MERTK: variants seen among roughly 807,000 people sequenced by gnomAD.
MERTK encodes tyrosine-protein kinase Mer.
A neutral mutation model predicts 99.3 loss-of-function variants in MERTK; 69 were observed. The observed-to-expected ratio is 0.70, with a 90% CI of 0.57 to 0.85. MERTK has a LOEUF of 0.85. MERTK is among the 40% of genes least tolerant of loss of function. The pLI is 0.00. For synonymous variants in MERTK, 426 were observed against 467.6 expected (o/e 0.91, Z 1.15); for missense variants, 1,125 against 1,249.4 (o/e 0.90, Z 1.50).
intron 7 of MERTK, among the ~76,000 whole-genome samples, chr2:111,977,930 A>G (rs1676287400): frequency 6.6e-6 from 1 of 151,926 alleles, no homozygotes; most frequent in African/African-American, 2.4e-5. Flanking sequence ...TCCAGAATGC[A>G]GTTATAATTA....
chr2:111,968,200 C>A lies in MERTK; in HGVS notation c.908C>A (p.Ser303Tyr). ...AGCACTGCACACAGCATTCTGATCT[C>A]CTGGGTTCCTGGTTTTGATGGATAC... Reference protein sequence around the residue: ...RNSTAHSILISWVPGFDGYSP... With the variant: ...RNSTAHSILIYWVPGFDGYSP... The change falls in exon 6 of 19, where the codon TCC (serine) becomes TAC (tyrosine). Residue 303 changes from serine (S) to tyrosine (Y), a missense_variant. Physicochemically the swap from Ser to Tyr is moderately radical, Grantham distance 144 (BLOSUM62 -2). Coordinates refer to ENST00000295408, the MANE Select transcript of MERTK (RefSeq NM_006343.3). 1 of 1,614,050 alleles carries A rather than the reference C, an allele frequency of 6.2e-7. No individual in the cohort carries two copies.
chr2:111,969,536 G>A (rs973986123), intron 6 of MERTK, among the ~76,000 whole-genome samples: 2 of 152,088 alleles, frequency 1.3e-5, no homozygotes, highest in Admixed American at 6.6e-5. Flanking sequence ...AGAATTTTGT[G>A]TTGACAACTA....
At chr2:112,012,685 C>G (rs905361353) in intron 15 of MERTK, among the ~76,000 whole-genome samples, 1 of 152,146 alleles carries the variant, frequency 6.6e-6, no homozygotes, top group Non-Finnish European at 1.5e-5. Flanking sequence ...TAGAGAGAAG[C>G]GGAACCTCAG....
intron 4 of MERTK, among the ~76,000 whole-genome samples, chr2:111,960,953 G>A (rs927768477): frequency 4.0e-5 from 6 of 151,548 alleles, no homozygotes; most frequent in Non-Finnish European, 5.9e-5. Flanking sequence ...AAGACCCCGA[G>A]GCAGAGTATC....
chr2:111,968,039 C>T (rs563508052), intron 5 of MERTK, 98 bp from the exon 6 acceptor site: 63 of 864,812 alleles, frequency 7.3e-5, no homozygotes, highest in African/African-American at 1.8e-4. Flanking sequence ...TCTCAAGGAA[C>T]GAAAACAGGT....
At chr2:111,929,798 AC>A (rs2104687280) in intron 2 of MERTK, among the ~76,000 whole-genome samples, 1 of 148,076 alleles carries the variant, frequency 6.8e-6, no homozygotes, top group South Asian at 2.1e-4. Context: ...ATGAGGTTTC[AC>A]CATGATGCCC....
intron 15 of MERTK, among the ~76,000 whole-genome samples, chr2:112,017,829 G>A (rs1165547151): frequency 6.6e-6 from 1 of 152,128 alleles, no homozygotes; most frequent in Admixed American, 6.6e-5. Flanking sequence ...GAGGAGGGGT[G>A]ATAAAACAGG....
intron 13 of MERTK, among the ~76,000 whole-genome samples, chr2:112,004,956 A>G (rs1189185803): frequency 2.0e-5 from 3 of 152,200 alleles, no homozygotes; most frequent in Admixed American, 2.0e-4. Flanking sequence ...AATTCCAGAA[A>G]GTTCACTTTG....
At chr2:111,990,937 A>G (rs10186291) in intron 8 of MERTK, among the ~76,000 whole-genome samples, 94,019 of 151,990 alleles carry the variant, frequency 0.62, 29,451 homozygotes, top group Middle Eastern at 0.69. Context: ...AATTCCTCTT[A>G]TTTTGAGATG....
chr2:111,963,279 C>T (rs945654135), intron 4 of MERTK, among the ~76,000 whole-genome samples: 3 of 152,196 alleles, frequency 2.0e-5, no homozygotes, highest in Non-Finnish European at 2.9e-5. Context: ...GGGTTTTATA[C>T]GGAGACATTC....
intron 4 of MERTK, among the ~76,000 whole-genome samples, chr2:111,954,255 T>C (rs756149143): frequency 6.6e-6 from 1 of 152,204 alleles, no homozygotes; most frequent in Non-Finnish European, 1.5e-5. Context: ...CGCAGGCCCA[T>C]GAGCGACTGT....
chr2:111,973,991 CAA>C (rs34537631), intron 6 of MERTK, among the ~76,000 whole-genome samples: 24 of 84,702 alleles, frequency 2.8e-4, no homozygotes, highest in South Asian at 7.9e-4. Context: ...ATCTCCTCAT[CAA>C]AAAAAAAAAA....
At chr2:111,985,563 G>T (rs1191169248) in intron 8 of MERTK, among the ~76,000 whole-genome samples, 1 of 152,142 alleles carries the variant, frequency 6.6e-6, no homozygotes, top group Non-Finnish European at 1.5e-5. Context: ...CCTGAGACTA[G>T]GTAATTATAA....
At chr2:111,914,972 C>G (rs1684323805) in intron 1 of MERTK, among the ~76,000 whole-genome samples, 1 of 152,158 alleles carries the variant, frequency 6.6e-6, no homozygotes, top group South Asian at 2.1e-4. Context: ...GGTGTTAATT[C>G]TTCTTTAAGC....
chr2:111,904,957 C>A (rs1049764055), intron 1 of MERTK, among the ~76,000 whole-genome samples: 1 of 152,182 alleles, frequency 6.6e-6, no homozygotes, highest in Non-Finnish European at 1.5e-5. Flanking sequence ...AACCCGTGAC[C>A]GGAGTTAAAC....
At chr2:111,989,742 C>G (rs1321173794) in intron 8 of MERTK, among the ~76,000 whole-genome samples, 2 of 152,176 alleles carry the variant, frequency 1.3e-5, no homozygotes, top group Non-Finnish European at 2.9e-5. Flanking sequence ...CTGCCTAACT[C>G]TAATGCCACA....
At chr2:111,996,827 CAG>C (rs137884045) in intron 9 of MERTK, 86 of 183,220 alleles carry the variant, frequency 4.7e-4, no homozygotes, top group Non-Finnish European at 8.3e-4. Context: ...TTCTTCAAAA[CAG>C]AGAAACTATA....
intron 7 of MERTK, among the ~76,000 whole-genome samples, chr2:111,981,954 C>T (rs1169540606): frequency 2.0e-5 from 3 of 152,162 alleles, no homozygotes; most frequent in African/African-American, 7.2e-5. Flanking sequence ...GAACATTGTT[C>T]AAGTTGTGTC....
chr2:111,981,748 C>T (rs1205333622), intron 7 of MERTK, among the ~76,000 whole-genome samples: 1 of 139,420 alleles, frequency 7.2e-6, no homozygotes, highest in Admixed American at 6.8e-5. Context: ...TACACACACA[C>T]ACACACACAC....
Sources: gnomAD v4.1 joint callset for allele counts (sites outside exome capture counted in the v4.1 genomes callset) on GRCh38, gnomAD v4.1.1 for gene constraint, MANE v1.5 for transcripts, NCBI Gene and HGNC (gene_info 2026-07-23, HGNC 2026-07-21) for gene names.